Variants in FNIP1 observed in about 807,000 individuals in gnomAD.
The protein encoded by FNIP1 is folliculin interacting protein 1.
FNIP1 carries 40 observed loss-of-function variants against 124.5 expected under a neutral mutation model. The observed-to-expected ratio is 0.32, with a 90% CI of 0.25 to 0.42. The LOEUF (loss-of-function observed/expected upper bound fraction) is 0.42. Among genes scored for constraint, FNIP1 ranks in the 10% least tolerant of loss-of-function variants. FNIP1 has a pLI of 1.00. For missense variants in FNIP1, 1,176 were observed against 1,403.7 expected, an observed-to-expected ratio of 0.84 and a Z score of 2.59; for synonymous variants, 472 against 470.6, an observed-to-expected ratio of 1.00 and a Z score of -0.04.
intron 15 of FNIP1, among the ~76,000 whole-genome samples, chr5:131,654,350 T>C (rs1363527923): frequency 2.6e-5 from 4 of 152,188 alleles, no homozygotes; most frequent in Non-Finnish European, 5.9e-5. Flanking sequence ...TAATATGAAA[T>C]ACTGAGACCA....
intron 1 of FNIP1, 30 bp downstream of exon 1, chr5:131,796,800 C>T (rs748881785): frequency 4.4e-5 from 68 of 1,552,368 alleles, no homozygotes; most frequent in Non-Finnish European, 5.9e-5. Flanking sequence ...AGGCCATCGG[C>T]TCCGCGACCC....
At chr5:131,728,350 A>G (rs999693176) in intron 3 of FNIP1, among the ~76,000 whole-genome samples, 1 of 151,986 alleles carries the variant, frequency 6.6e-6, no homozygotes, top group Admixed American at 6.6e-5. Flanking sequence ...ACATAGTCCC[A>G]TATTTCTTGG....
At chr5:131,762,370 G>C (rs992622504) in intron 1 of FNIP1, among the ~76,000 whole-genome samples, 8 of 152,086 alleles carry the variant, frequency 5.3e-5, no homozygotes, top group African/African-American at 1.9e-4. Context: ...TTAACAACCA[G>C]AATGTATAAG....
At chr5:131,682,424 A>C (rs1028177195) in intron 11 of FNIP1, among the ~76,000 whole-genome samples, 1 of 152,162 alleles carries the variant, frequency 6.6e-6, no homozygotes, top group Non-Finnish European at 1.5e-5. Context: ...GTCATTAACA[A>C]TCTAGAAGTA....
At position 131,679,087 on chromosome 5, in the gene FNIP1, G is replaced by A. The variant is rs763594403; in HGVS notation, c.1291C>T (p.Leu431Phe). Reference sequence around the variant, plus strand: ...AACTCCTTCATGAAACGATAGCAAAGGTGGTTCTTTTCTGGAGTCCCCGAC... The same window carrying A: ...AACTCCTTCATGAAACGATAGCAAAAGTGGTTCTTTTCTGGAGTCCCCGAC... Reference protein sequence around the residue: ...MMSGTPEKNHLCYRFMKEFTF... With the variant: ...MMSGTPEKNHFCYRFMKEFTF... The change falls in exon 12 of 18, where the codon CTT becomes TTT. Residue 431 changes from leucine (L) to phenylalanine (F), a missense_variant. This residue lies in a region of FNIP1 where 1,109 missense variants were observed against 1,288.5 expected (regional missense o/e 0.86). Coordinates refer to ENST00000510461, the MANE Select transcript of FNIP1 (RefSeq NM_133372.3). The A allele has an allele frequency of 1.2e-6, 2 of 1,613,016 alleles. No homozygotes were observed. Among genetic ancestry groups the A allele is most frequent in the Non-Finnish European group, 1.7e-6 (2 of 1,179,378 alleles).
chr5:131,716,601 T>C lies in FNIP1; in HGVS notation c.586A>G (p.Asn196Asp). 6.2e-7 allele frequency: 1 copy of C among 1,607,802 alleles called. No individual in the cohort carries two copies. The highest frequency in any genetic ancestry group is 1.3e-5 in the African/African-American group (1 of 74,838). The change falls in exon 6 of 18, where the codon AAT becomes GAT. Residue 196 changes from asparagine to aspartate, a missense_variant. Coordinates refer to ENST00000510461, the MANE Select transcript of FNIP1 (RefSeq NM_133372.3). ...NQDNNTLKAD[N>D]NTVINGLLGN... is the part of the protein sequence containing the mutation. The stretch of plus-strand genomic sequence containing the variant: ...AGCAGTCCATTAATAACTGTGTTAT[T>C]ATCAGCCTTTAATGTATTGTTGTCC...
chr5:131,777,090 A>G (rs1182025167), intron 1 of FNIP1, among the ~76,000 whole-genome samples: 4 of 152,090 alleles, frequency 2.6e-5, no homozygotes, highest in Non-Finnish European at 5.9e-5. Context: ...TCTAAGATAT[A>G]TTAGCAGGGC....
intron 2 of FNIP1, among the ~76,000 whole-genome samples, chr5:131,744,012 C>A (rs1279528282): frequency 2.0e-5 from 3 of 151,940 alleles, no homozygotes; most frequent in Admixed American, 6.6e-5. Flanking sequence ...AATGAAGCAT[C>A]GTCCCAGAAA....
intron 10 of FNIP1, 31 bp downstream of exon 10, chr5:131,704,034 G>A: frequency 2.0e-6 from 3 of 1,508,256 alleles, no homozygotes; most frequent in Non-Finnish European, 2.7e-6. Flanking sequence ...GATTTTAAAA[G>A]GAAAATACAT....
chr5:131,783,480 G>C (rs1403435563), intron 1 of FNIP1, among the ~76,000 whole-genome samples: 1 of 150,362 alleles, frequency 6.7e-6, no homozygotes, highest in East Asian at 1.9e-4. Flanking sequence ...AAATTTGAAA[G>C]ATCAATACGG....
At chr5:131,792,367 G>A (rs1043312444) in intron 1 of FNIP1, among the ~76,000 whole-genome samples, 3 of 152,068 alleles carry the variant, frequency 2.0e-5, no homozygotes, top group Non-Finnish European at 2.9e-5. Flanking sequence ...CACCACATTG[G>A]CCAGGCTGGT....
intron 3 of FNIP1, among the ~76,000 whole-genome samples, chr5:131,720,732 C>T (rs1769628755): frequency 1.3e-5 from 2 of 152,170 alleles, no homozygotes; most frequent in South Asian, 4.2e-4. Flanking sequence ...ATACAAATGA[C>T]CAACTGATAC....
chr5:131,668,793 G>C, intron 15 of FNIP1, among the ~76,000 whole-genome samples: 1 of 152,172 alleles, frequency 6.6e-6, no homozygotes, highest in African/African-American at 2.4e-5. Context: ...CATGAACATA[G>C]CCAGAAGCAT....
At chr5:131,669,890 T>C (rs185829012) in intron 15 of FNIP1, among the ~76,000 whole-genome samples, 3 of 150,658 alleles carry the variant, frequency 2.0e-5, no homozygotes, top group Admixed American at 6.7e-5. Context: ...CAACATTGTA[T>C]TGAAAATTCT....
intron 16 of FNIP1, among the ~76,000 whole-genome samples, chr5:131,647,522 T>G (rs530928007): frequency 8.1e-4 from 124 of 152,152 alleles, no homozygotes; most frequent in Non-Finnish European, 1.5e-3. Context: ...TTAACCAGGC[T>G]GGAGTGCAAA....
rs148128836 is a variant in FNIP1, at chr5:131,672,519, C to T, written c.1925G>A (p.Gly642Glu). The part of the protein sequence containing the change: ...DIQNSSKELL[G>E]ISDECQMISP... ...AATCATCTGGCACTCATCTGAAATTCCTAGCAGCTCCTTAGAGCTGTTTTG... is the reference window on the plus strand; with the variant it reads ...AATCATCTGGCACTCATCTGAAATTTCTAGCAGCTCCTTAGAGCTGTTTTG... The change falls in exon 14 of 18, where the codon GGA becomes GAA. Residue 642 changes from glycine to glutamate, a missense_variant. Gly to Glu is a moderately conservative substitution (Grantham distance 98, BLOSUM62 -2). Around this residue, in one of 2 missense-constraint regions of FNIP1, gnomAD observed 1,109 missense variants for 1,288.5 expected, o/e 0.86. Transcript: ENST00000510461. The T allele has an allele frequency of 2.0e-4, 318 of 1,613,740 alleles. 3 individuals are homozygous for T. The Middle Eastern group carries it at 3.6e-3, about 18-fold the overall frequency.
intron 15 of FNIP1, among the ~76,000 whole-genome samples, chr5:131,660,563 C>T (rs1767396276): frequency 6.6e-6 from 1 of 152,178 alleles, no homozygotes; most frequent in African/African-American, 2.4e-5. Context: ...TACCTGGCCA[C>T]CGCACCCCTT....
rs1771845447 is a variant in FNIP1 at position 131,777,371 on chromosome 5, A to C, written c.92+19459T>G. 2.0e-5 allele frequency among the ~76,000 whole-genome samples: 3 copies of C among 152,154 alleles called. No homozygotes were observed. The South Asian group carries it at 6.2e-4, about 32-fold the overall frequency. The stretch of plus-strand genomic sequence containing the variant: ...ATCTCTAGAATACAGTGTGATACTA[A>C]ATGCTGTTCCTACCAAAAGGAACTG... On this transcript the variant is annotated intron_variant, in intron 1 of 17. Transcript: ENST00000510461.
Position 131,672,633 on chromosome 5 carries a change from C to T in FNIP1, c.1811G>A (p.Arg604Lys). The change falls in exon 14 of 18, where the codon AGA (arginine) becomes AAA (lysine). Residue 604 changes from arginine (R) to lysine (K), a missense_variant. This residue lies in a region of FNIP1 where 1,109 missense variants were observed against 1,288.5 expected (regional missense o/e 0.86). Transcript: ENST00000510461. ...ATATTTACAGTTACAATTGGGAGTT[C>T]TAATTTCTTCTGACTCTTTAAAGAG... ...SLLFKESEEI[R>K]TPNCNCKYCS... 1 of 1,614,154 alleles carries T rather than the reference C, an allele frequency of 6.2e-7. No individual in the cohort carries two copies. Among genetic ancestry groups the T allele is most frequent in the Non-Finnish European group, 8.5e-7 (1 of 1,180,032 alleles).
Sources: allele counts gnomAD v4.1 joint callset (sites outside exome capture counted in the v4.1 genomes callset), GRCh38; gene constraint gnomAD v4.1.1; regional missense constraint gnomAD v4.1.1; transcripts MANE v1.5; gene names NCBI Gene and HGNC (gene_info 2026-07-23, HGNC 2026-07-21).